PKDCC: variants seen among roughly 807,000 people sequenced by gnomAD.
PKDCC encodes the protein extracellular tyrosine-protein kinase PKDCC.
Under a neutral mutation model 44.7 loss-of-function variants are expected in PKDCC, and 35 were observed. That is an observed-to-expected ratio of 0.78 (90% CI 0.60 to 1.04). PKDCC has a LOEUF of 1.04. Ranked by LOEUF, PKDCC falls within the 50% of genes least tolerant of loss-of-function variation. The probability of loss-of-function intolerance (pLI) is 0.00; values close to 1 mark genes in which losing one functional copy is unlikely to be tolerated. For synonymous variants in PKDCC, 353 were observed against 303.3 expected, an observed-to-expected ratio of 1.16 and a Z score of -1.70; for missense variants, 738 against 672.7, an observed-to-expected ratio of 1.10 and a Z score of -1.07.
chr2:42,053,502 C>T (rs1668003613), intron 2 of PKDCC, 141 bp downstream of exon 2: 3 of 1,197,408 alleles, frequency 2.5e-6, no homozygotes, highest in South Asian at 3.1e-5. Context: ...GACTCAGCCA[C>T]CGGCCAAAGG....
chr2:42,048,188 G>C lies in PKDCC; in HGVS notation c.-12G>C, dbSNP rs750438139. 1.8e-6 allele frequency: 2 copies of C among 1,121,600 alleles called. No individual in the cohort carries two copies. The highest frequency in any genetic ancestry group is 1.1e-6 in the Non-Finnish European group (1 of 918,740). The allele number at this position is 1,121,600 out of a possible 1,614,324, so 69.5% of individuals were successfully genotyped here. On this transcript the variant is annotated 5_prime_UTR_variant, in exon 1 of 7. Coordinates refer to ENST00000294964, the MANE Select transcript of PKDCC (RefSeq NM_138370.3). This position sits in a 1 kb window ranked among gnomAD's most constrained non-coding sequence, Gnocchi z 6.2. The stretch of plus-strand genomic sequence containing the variant: ...AGCCGCGCGGGGCCGGCCGGCCGGG[G>C]GGAGGGGAGCGATGCGGCGCCGGCG...
intron 1 of PKDCC, among the ~76,000 whole-genome samples, chr2:42,049,646 C>G (rs942130685): frequency 1.3e-5 from 2 of 152,190 alleles, no homozygotes; most frequent in African/African-American, 4.8e-5. Context: ...CAACGGGACT[C>G]TGCCTCGCCT....
At chr2:42,050,493 G>A (rs13408784) in intron 1 of PKDCC, among the ~76,000 whole-genome samples, 3,485 of 152,102 alleles carry the variant, frequency 0.023, 126 homozygotes, top group African/African-American at 0.078. Flanking sequence ...CACTCTTCCC[G>A]CCAGCTCAAA....
chr2:42,053,499 C>T (rs1037425383), intron 2 of PKDCC, 138 bp downstream of exon 2: 8 of 1,227,218 alleles, frequency 6.5e-6, no homozygotes, highest in East Asian at 2.5e-5. Flanking sequence ...GCTGACTCAG[C>T]CACCGGCCAA....
rs1667901742 is a variant in PKDCC at position 42,048,300 on chromosome 2, G to A, written c.101G>A (p.Arg34Lys). Residue 34 changes from arginine (R) to lysine (K), a missense_variant, in exon 1 of 7, where the codon AGG (arginine) becomes AAG (lysine). By Grantham distance (26) the Arg-to-Lys change is conservative. Transcript: ENST00000294964. This position sits in a 1 kb window ranked among gnomAD's most constrained non-coding sequence, Gnocchi z 6.2. Reference sequence around the variant, plus strand: ...TTCGCTCCGGGCTCGGAGCCTCCGAGGCCAGGCCAGTCCCCTGAGCCTTCG... The same window carrying A: ...TTCGCTCCGGGCTCGGAGCCTCCGAAGCCAGGCCAGTCCCCTGAGCCTTCG... ...VLFAPGSEPP[R>K]PGQSPEPSPA... 8.0e-7 allele frequency: 1 copy of A among 1,251,678 alleles called. No homozygotes were observed. The highest frequency in any genetic ancestry group is 1.0e-6 in the Non-Finnish European group (1 of 995,274). The allele number at this position is 1,251,678 out of a possible 1,614,324, so 77.5% of individuals were successfully genotyped here.
chr2:42,053,526 G>T (rs1206194786), intron 2 of PKDCC, 165 bp downstream of exon 2: 7 of 954,064 alleles, frequency 7.3e-6, no homozygotes, highest in Non-Finnish European at 1.1e-5. Context: ...CAAAAAAGAA[G>T]CAAGACTTAA....
Position 42,055,212 on chromosome 2 carries a change from G to C in PKDCC, c.1115-74G>C. Reference sequence around the variant, plus strand: ...GCACAGGCTCTGGAGGCAGAGGTGGGAGCAGCTGGCTGCTGACTTCAGGGA... The same window carrying C: ...GCACAGGCTCTGGAGGCAGAGGTGGCAGCAGCTGGCTGCTGACTTCAGGGA... On this transcript the variant is annotated intron_variant, in intron 4 of 6. Coordinates refer to ENST00000294964, the MANE Select transcript of PKDCC (RefSeq NM_138370.3). This position sits in a 1 kb window ranked among gnomAD's most constrained non-coding sequence, Gnocchi z 4.5. 1 of 1,427,328 alleles carries C rather than the reference G, an allele frequency of 7.0e-7. No individual in the cohort carries two copies. The highest frequency in any genetic ancestry group is 9.7e-7 in the Non-Finnish European group (1 of 1,033,372). The allele number at this position is 1,427,328 out of a possible 1,614,324, so 88.4% of individuals were successfully genotyped here. A position where few individuals can be genotyped will look rare whatever the true frequency, so the allele number is the denominator to read the frequency against.
chr2:42,056,383 C>G (rs954341079), intron 5 of PKDCC, among the ~76,000 whole-genome samples: 3 of 152,188 alleles, frequency 2.0e-5, no homozygotes, highest in Admixed American at 6.5e-5. Flanking sequence ...GCCCCCTCCC[C>G]ACTCTAGCCA....
At chr2:42,049,282 G>C (rs998414829) in intron 1 of PKDCC, among the ~76,000 whole-genome samples, 1 of 152,164 alleles carries the variant, frequency 6.6e-6, no homozygotes, top group Non-Finnish European at 1.5e-5. Context: ...CCAGTGATTT[G>C]TCTGGTTTTG....
In PKDCC at chr2:42,048,616, CGG is replaced by C; in HGVS notation, c.418_419del (p.Gly140ArgfsTer31). ...LGCAALRNVS[G>X]AQYMGSGYTK... ...GCTGCGCCGCGCTTCGCAACGTGTC[CGG>C]CGCGCAGTACATGGGCTCAGGCTAC... is the stretch of plus-strand genomic sequence containing the variant. On this transcript the variant is annotated frameshift_variant, in exon 1 of 7. Transcript: ENST00000294964. LOFTEE classifies it high-confidence loss of function. This position sits in a 1 kb window ranked among gnomAD's most constrained non-coding sequence, Gnocchi z 6.2. 6.6e-7 allele frequency: 1 copy of C among 1,523,558 alleles called. No individual in the cohort carries two copies. Among genetic ancestry groups the C allele is most frequent in the Non-Finnish European group, 8.8e-7 (1 of 1,136,248 alleles). 94.4% of individuals were successfully genotyped at this position (1,523,558 alleles called of 1,614,324 possible).
At chr2:42,050,452 T>G (rs1454950458) in intron 1 of PKDCC, among the ~76,000 whole-genome samples, 2 of 152,164 alleles carry the variant, frequency 1.3e-5, no homozygotes, top group Non-Finnish European at 2.9e-5. Context: ...ATGTTTGATG[T>G]GCTTTCCTAT....
rs1035209842 is a variant in PKDCC at position 42,057,095 on chromosome 2, G to T, written c.1223-126G>T. The T allele has an allele frequency of 3.1e-5, 33 of 1,071,258 alleles. No individual in the cohort carries two copies. The Admixed American group carries it at 4.4e-4, about 14-fold the overall frequency. The allele number at this position is 1,071,258 out of a possible 1,614,324, so 66.4% of individuals were successfully genotyped here. On this transcript the variant is annotated intron_variant, in intron 5 of 6. Transcript: ENST00000294964. Reference sequence around the variant, plus strand: ...GCTGCCTTCATCTGCGTGCTAGAGGGCTGGGCTGGACTTCAGCTTTCACCT... The same window carrying T: ...GCTGCCTTCATCTGCGTGCTAGAGGTCTGGGCTGGACTTCAGCTTTCACCT...
Position 42,054,094 on chromosome 2 carries a change from T to A in PKDCC, c.821T>A (p.Val274Asp), listed in dbSNP as rs767225899. 2 of 1,612,764 alleles carry A rather than the reference T, an allele frequency of 1.2e-6. No individual in the cohort carries two copies. The highest frequency in any genetic ancestry group is 2.2e-5 in the South Asian group (2 of 91,018). Residue 274 changes from valine to aspartate, a missense_variant, in exon 3 of 7, where the codon GTC becomes GAC. By Grantham distance (152) the Val-to-Asp change is radical (BLOSUM62 -3). Transcript: ENST00000294964. The surrounding 1 kb of genome is among the most constrained non-coding windows in gnomAD (Gnocchi z 6.1). ...CTGGCCCACTCCCCACTGGGCTCCGTCACTCTGCTGGACTTCCGCCCTCGG... is the reference window on the plus strand; with the variant it reads ...CTGGCCCACTCCCCACTGGGCTCCGACACTCTGCTGGACTTCCGCCCTCGG... ...HHLAHSPLGS[V>D]TLLDFRPRQF...
rs758119349 is a variant in PKDCC at position 42,055,436 on chromosome 2, T to C, written c.1222+43T>C. The C allele has an allele frequency of 5.1e-6, 8 of 1,578,052 alleles. No homozygotes were observed. Among genetic ancestry groups the C allele is most frequent in the Non-Finnish European group, 6.9e-6 (8 of 1,154,706 alleles). ...GATCCACAGGGAAGCAAGAAACAGG[T>C]GGGAGGGTGAATGACCCCGCCCAAT... On this transcript the variant is annotated intron_variant, in intron 5 of 6. Coordinates refer to ENST00000294964, the MANE Select transcript of PKDCC (RefSeq NM_138370.3). This position sits in a 1 kb window ranked among gnomAD's most constrained non-coding sequence, Gnocchi z 4.5.
In PKDCC at chr2:42,052,672, C is replaced by T. The variant is rs1211697484; in HGVS notation, c.640-567C>T. On this transcript the variant is annotated intron_variant, in intron 1 of 6. Transcript: ENST00000294964. The surrounding 1 kb of genome is among the most constrained non-coding windows in gnomAD (Gnocchi z 4.3). ...GCTGAGGCAGGAGAATCGCCCGCAC[C>T]CAGGAAGCAGAGTGAGCTGAGATCA... 6.6e-6 allele frequency among the ~76,000 whole-genome samples: 1 copy of T among 151,806 alleles called. No homozygotes were observed. The highest frequency in any genetic ancestry group is 1.5e-5 in the Non-Finnish European group (1 of 67,926).
In PKDCC at chr2:42,054,224, G is replaced by C. The variant is rs145645987; in HGVS notation, c.951G>C (p.Pro317=). 3.7e-6 allele frequency: 6 copies of C among 1,603,614 alleles called. No individual in the cohort carries two copies. In the East Asian group the frequency reaches 1.1e-4, roughly 30 times the overall value. The change falls in exon 3 of 7, where the codon CCG becomes CCC. Residue 317 remains proline (P), a synonymous_variant. Coordinates refer to ENST00000294964, the MANE Select transcript of PKDCC (RefSeq NM_138370.3). The surrounding 1 kb of genome is among the most constrained non-coding windows in gnomAD (Gnocchi z 6.1). ...AGSTDCILEF[P]ARNFTLPCSA... ...GCACCGACTGCATACTCGAGTTTCC[G>C]GCCAGGAACTTCACCCTGCCCTGCT...
intron 5 of PKDCC, among the ~76,000 whole-genome samples, chr2:42,056,481 G>A (rs983741624): frequency 6.6e-6 from 1 of 152,130 alleles, no homozygotes; most frequent in African/African-American, 2.4e-5. Flanking sequence ...TGAGGAACTT[G>A]CCTAACTTCT....
At chr2:42,053,564 C>A in intron 2 of PKDCC, 1 of 660,984 alleles carries the variant, frequency 1.5e-6, no homozygotes, top group Non-Finnish European at 2.5e-6. Flanking sequence ...TGCTCTTGCC[C>A]TCCTCACCCC....
Position 42,053,156 on chromosome 2 carries a change from G to C in PKDCC, c.640-83G>C, listed in dbSNP as rs900045749. ...AAGGCCTGGGGATGGTGGGAGGAGA[G>C]AGAGGGGGAACCTGACAGTCCAGCC... On this transcript the variant is annotated intron_variant, in intron 1 of 6. Transcript: ENST00000294964. 3.5e-6 allele frequency: 5 copies of C among 1,429,996 alleles called. No homozygotes were observed. The African/African-American group carries it at 5.7e-5, about 16-fold the overall frequency. The allele number at this position is 1,429,996 out of a possible 1,614,324, so 88.6% of individuals were successfully genotyped here.
Sources: allele counts gnomAD v4.1 joint callset (sites outside exome capture counted in the v4.1 genomes callset), GRCh38; gene constraint gnomAD v4.1.1; non-coding constraint Gnocchi (gnomAD v3.1); transcripts MANE v1.5; gene names NCBI Gene and HGNC (gene_info 2026-07-23, HGNC 2026-07-21).